ADCY9: variants seen among roughly 807,000 people sequenced by gnomAD.
The protein encoded by ADCY9 is adenylate cyclase type 9.
Under a neutral mutation model 101.5 loss-of-function variants are expected in ADCY9, and 50 were observed. The ratio of observed to expected loss-of-function variants is 0.49; its 90% CI spans 0.39 to 0.62. ADCY9 has a LOEUF of 0.62. Among genes scored for constraint, ADCY9 ranks in the 20% least tolerant of loss-of-function variants. The pLI is 0.00. For missense variants in ADCY9, 1,662 were observed against 1,800.4 expected (o/e 0.92, Z 1.39); for synonymous variants, 905 against 769.3 (o/e 1.18, Z -2.92).
rs1033230361 is a variant in ADCY9 at position 3,979,614 on chromosome 16, C to T, written c.2520-339G>A. Among the ~76,000 whole-genome samples, 8 of 152,382 alleles carry T rather than the reference C, an allele frequency of 5.2e-5. No homozygotes were observed. In the East Asian group the frequency reaches 9.6e-4, roughly 18 times the overall value. ...CTGGGGGCCACCACGTTGCCGTCAC[C>T]GGCTCCCATCAGCTTCTGAGGCAGG... On this transcript the variant is annotated intron_variant, in intron 7 of 10. Transcript: ENST00000294016.
At chr16:4,020,435 G>A (rs1304353026) in intron 2 of ADCY9, among the ~76,000 whole-genome samples, 4 of 152,152 alleles carry the variant, frequency 2.6e-5, no homozygotes, top group Admixed American at 2.6e-4. Flanking sequence ...TATGAAACCA[G>A]TAAGTATTCA....
intron 6 of ADCY9, chr16:3,983,754 AT>A (rs1171696497): frequency 1.4e-5 from 5 of 346,312 alleles, no homozygotes; most frequent in African/African-American, 2.1e-5. Context: ...GTGAGACTCC[AT>A]CTCTACAAAA....
At chr16:4,050,656 T>C (rs1461358813) in intron 2 of ADCY9, among the ~76,000 whole-genome samples, 2 of 127,824 alleles carry the variant, frequency 1.6e-5, no homozygotes, top group African/African-American at 6.2e-5. Context: ...GAGGTTGCGG[T>C]GAGCCAAGTT....
chr16:3,987,902 C>CA (rs2056207261), intron 6 of ADCY9, among the ~76,000 whole-genome samples: 1 of 152,176 alleles, frequency 6.6e-6, no homozygotes, highest in South Asian at 2.1e-4. Context: ...CGCCAGGATT[C>CA]AAACCAGGCT....
At chr16:4,036,462 GTTT>G (rs59816813) in intron 2 of ADCY9, among the ~76,000 whole-genome samples, 1 of 103,684 alleles carries the variant, frequency 9.6e-6, no homozygotes, top group African/African-American at 3.9e-5. Context: ...GGGTTTGTTT[GTTT>G]TTTTTTTTTT....
At chr16:4,027,877 CAAAA>C (rs1230088772) in intron 2 of ADCY9, among the ~76,000 whole-genome samples, 1 of 94,552 alleles carries the variant, frequency 1.1e-5, no homozygotes, top group South Asian at 3.3e-4. Context: ...AATTCCGTTT[CAAAA>C]AAAAAAAAAA....
chr16:4,113,117 T>C (rs1404365146), intron 2 of ADCY9, among the ~76,000 whole-genome samples: 5 of 150,920 alleles, frequency 3.3e-5, no homozygotes, highest in Non-Finnish European at 5.9e-5. Context: ...AATACTATGA[T>C]AATAAAATAT....
intron 2 of ADCY9, among the ~76,000 whole-genome samples, chr16:4,096,780 G>A (rs1364901185): frequency 6.6e-6 from 1 of 152,048 alleles, no homozygotes; most frequent in African/African-American, 2.4e-5. Flanking sequence ...CGCATGTGGG[G>A]TTTCTTCCTT....
chr16:4,115,799 T>TCTCCTCCTCGCGCGCTCGCCTC lies in ADCY9; in HGVS notation c.-175_-154dup. On this transcript the variant is annotated 5_prime_UTR_variant, in exon 1 of 11. Coordinates refer to ENST00000294016, the MANE Select transcript of ADCY9 (RefSeq NM_001116.4). The surrounding 1 kb of genome is among the most constrained non-coding windows in gnomAD (Gnocchi z 6.2). Reference sequence around the variant, plus strand: ...AGGGTGGCCTCCGCGCCGCGCGGCTTCTCCTCCTCGCGCGCTCGCCTCCTC... The same window carrying TCTCCTCCTCGCGCGCTCGCCTC: ...AGGGTGGCCTCCGCGCCGCGCGGCTTCTCCTCCTCGCGCGCTCGCCTCCTCCTCCTCGCGCGCTCGCCTCCTC... 2.5e-6 allele frequency: 1 copy of TCTCCTCCTCGCGCGCTCGCCTC among 399,560 alleles called. No homozygotes were observed. The highest frequency in any genetic ancestry group is 4.4e-6 in the Non-Finnish European group (1 of 226,982). The allele number at this position is 399,560 out of a possible 1,614,324, so 24.8% of individuals were successfully genotyped here.
intron 2 of ADCY9, among the ~76,000 whole-genome samples, chr16:4,059,854 T>C (rs1270566150): frequency 6.6e-6 from 1 of 152,236 alleles, no homozygotes; most frequent in Non-Finnish European, 1.5e-5. Context: ...ACTATGATTG[T>C]GCCACTGCAC....
chr16:3,993,060 C>T (rs964074382), intron 4 of ADCY9, among the ~76,000 whole-genome samples: 1 of 152,116 alleles, frequency 6.6e-6, no homozygotes, highest in Non-Finnish European at 1.5e-5. Context: ...GCCGTGAAGA[C>T]CCCCTCTTGT....
intron 2 of ADCY9, among the ~76,000 whole-genome samples, chr16:4,086,441 G>A (rs935359244): frequency 1.3e-5 from 2 of 152,050 alleles, no homozygotes; most frequent in African/African-American, 2.4e-5. Flanking sequence ...CGCACGCTCC[G>A]CTCTGATGAC....
At chr16:4,043,361 G>T (rs898479579) in intron 2 of ADCY9, among the ~76,000 whole-genome samples, 1 of 151,682 alleles carries the variant, frequency 6.6e-6, no homozygotes. Context: ...AATCAGAAGC[G>T]GTTCCCTCGT....
chr16:4,082,435 T>C (rs538879613), intron 2 of ADCY9, among the ~76,000 whole-genome samples: 108 of 152,290 alleles, frequency 7.1e-4, no homozygotes, highest in African/African-American at 2.4e-3. Flanking sequence ...CACTAATGCA[T>C]TGCATCCCTA....
chr16:3,961,014 A>G (rs1290361739), downstream of ADCY9, among the ~76,000 whole-genome samples: 2 of 152,194 alleles, frequency 1.3e-5, no homozygotes, highest in African/African-American at 2.4e-5. Context: ...AGTGGGGGAA[A>G]AGCAACCATG....
intron 2 of ADCY9, among the ~76,000 whole-genome samples, chr16:4,071,767 A>C (rs1339702502): frequency 6.6e-6 from 1 of 151,500 alleles, no homozygotes; most frequent in Non-Finnish European, 1.5e-5. Context: ...GCTTCTTAAC[A>C]GAATACGTTC....
intron 2 of ADCY9, among the ~76,000 whole-genome samples, chr16:4,033,285 G>A (rs2056568232): frequency 6.6e-6 from 1 of 151,950 alleles, no homozygotes; most frequent in Non-Finnish European, 1.5e-5. Context: ...TATTTATAAC[G>A]GCTTGGAATC....
At chr16:4,094,310 C>T (rs1447646006) in intron 2 of ADCY9, among the ~76,000 whole-genome samples, 3 of 152,120 alleles carry the variant, frequency 2.0e-5, no homozygotes, top group Non-Finnish European at 2.9e-5. Flanking sequence ...TTTCACAACT[C>T]GGGTCTTTGT....
At chr16:4,037,879 C>T (rs529075429) in intron 2 of ADCY9, among the ~76,000 whole-genome samples, 3 of 152,292 alleles carry the variant, frequency 2.0e-5, no homozygotes, top group South Asian at 2.1e-4. Context: ...AGAAAAGAGA[C>T]AATCCATTTA....
Sources: gnomAD v4.1 joint callset for allele counts (sites outside exome capture counted in the v4.1 genomes callset) on GRCh38, gnomAD v4.1.1 for gene constraint, Gnocchi (gnomAD v3.1) non-coding constraint, MANE v1.5 for transcripts, NCBI Gene and HGNC (gene_info 2026-07-23, HGNC 2026-07-21) for gene names.